The following MICAL1 variants were observed in gnomAD, a reference collection of about 807,000 sequenced individuals.
MICAL1 encodes microtubule associated monooxygenase, calponin and LIM domain containing 1.
MICAL1 carries 95 observed loss-of-function variants against 131.8 expected under a neutral mutation model. That is an observed-to-expected ratio of 0.72 (90% CI 0.61 to 0.86). The LOEUF is 0.86. MICAL1 is among the 40% of genes least tolerant of loss of function. MICAL1 has a pLI of 0.00. For synonymous variants in MICAL1, 546 were observed against 554.2 expected (o/e 0.99, Z 0.21); for missense variants, 1,292 against 1,380.6 (o/e 0.94, Z 1.02).
intron 6 of MICAL1, chr6:109,451,977 CAG>C: frequency 7.2e-7 from 1 of 1,389,406 alleles, no homozygotes; most frequent in Non-Finnish European, 9.3e-7. Context: ...CCAAAGTAAA[CAG>C]AGGCACCTTC....
At chr6:109,453,429 G>A in intron 3 of MICAL1, 62 bp from the exon 4 acceptor site, 1 of 1,567,370 alleles carries the variant, frequency 6.4e-7, no homozygotes, top group African/African-American at 1.3e-5. Context: ...CCATGTACCA[G>A]TGTGTGCCTG....
intron 19 of MICAL1, 61 bp downstream of exon 19, chr6:109,446,075 A>T: frequency 6.6e-7 from 1 of 1,513,408 alleles, no homozygotes; most frequent in African/African-American, 1.4e-5. Context: ...ATTCCTCTGC[A>T]GGAAGCCAGT....
At chr6:109,449,521 C>A in intron 10 of MICAL1, 40 bp from the exon 11 acceptor site, 1 of 1,613,160 alleles carries the variant, frequency 6.2e-7, no homozygotes, top group African/African-American at 1.3e-5. Context: ...AGGCTGGCCA[C>A]ACAGCCCCTG....
At chr6:109,458,707 A>G (rs1017909768), upstream of MICAL1, among the ~76,000 whole-genome samples, 2 of 152,192 alleles carry the variant, frequency 1.3e-5, no homozygotes, top group African/African-American at 4.8e-5. Context: ...CCTCTGCCCC[A>G]TACCATGTTC....
rs1437531040 is a variant in MICAL1, at chr6:109,444,952, T to C, written c.2925A>G (p.Leu975=). The change falls in exon 23 of 25, where the codon CTA becomes CTG. Residue 975 remains leucine, a synonymous_variant. Coordinates refer to ENST00000358807, the MANE Select transcript of MICAL1 (RefSeq NM_022765.4). ...GGCTGTTTTTCTTGTCAACGAGCTG[T>C]AGCAGCTGTCCTACCCATAGTTTCT... ...QQKKLWVGQL[L]QLVDKKNSLV... is the part of the protein sequence containing the mutation. 6.2e-7 allele frequency: 1 copy of C among 1,614,114 alleles called. No homozygotes were observed. The highest frequency in any genetic ancestry group is 1.1e-5 in the South Asian group (1 of 91,090).
At chr6:109,463,766 ATATTTT>A (rs1329627825) in intron 1 of MICAL1, 1 of 152,232 alleles carries the variant, frequency 6.6e-6, no homozygotes, top group Non-Finnish European at 1.5e-5. Flanking sequence ...TCTCACTAAT[ATATTTT>A]TATATGTTGA....
At position 109,445,840 on chromosome 6, in the gene MICAL1, C is replaced by T. The variant is rs1775191250; in HGVS notation, c.2604G>A (p.Glu868=). The change falls in exon 20 of 25, where the codon GAG becomes GAA. Residue 868 remains glutamate, a synonymous_variant. Coordinates refer to ENST00000358807, the MANE Select transcript of MICAL1 (RefSeq NM_022765.4). ...SPQALVAMEK[E]EKESPFSSEE... Reference sequence around the variant, plus strand: ...CACTGGAGAAGGGACTCTCTTTTTCCTCCTTCTCCATGGCCACAAGAGCTG... The same window carrying T: ...CACTGGAGAAGGGACTCTCTTTTTCTTCCTTCTCCATGGCCACAAGAGCTG... 1 of 1,607,672 alleles carries T rather than the reference C, an allele frequency of 6.2e-7. No individual in the cohort carries two copies. The highest frequency in any genetic ancestry group is 1.7e-5 in the Admixed American group (1 of 59,200).
rs564615177 is a variant in MICAL1, at chr6:109,449,419, A to G, written c.1497T>C (p.Asp499=). Residue 499 remains aspartate, a synonymous_variant, in exon 11 of 25, where the codon GAT becomes GAC. Coordinates refer to ENST00000358807, the MANE Select transcript of MICAL1 (RefSeq NM_022765.4). The part of the protein sequence containing the change: ...EPVQRNNDKT[D]TGMPATGSAG... The stretch of plus-strand genomic sequence containing the variant: ...GCTCACCGGTGGCTGGCATCCCTGT[A>G]TCTGTCTTGTCGTTGTTCCTCTGCA... 1.2e-6 allele frequency: 2 copies of G among 1,614,144 alleles called. No homozygotes were observed. The highest frequency in any genetic ancestry group is 2.2e-5 in the South Asian group (2 of 91,078).
chr6:109,444,895 C>T lies in MICAL1; in HGVS notation c.2981+1G>A, dbSNP rs774016878. Reference sequence around the variant, plus strand: ...CACTGTCACCATCCCCTTCCCCTTACGTGATCATGAGCTCGGCCTCCTCAG... The same window carrying T: ...CACTGTCACCATCCCCTTCCCCTTATGTGATCATGAGCTCGGCCTCCTCAG... On this transcript the variant is annotated splice_donor_variant, in intron 23 of 24. Coordinates refer to ENST00000358807, the MANE Select transcript of MICAL1 (RefSeq NM_022765.4). LOFTEE classifies it high-confidence loss of function. 5.6e-6 allele frequency: 9 copies of T among 1,614,194 alleles called. No homozygotes were observed. The highest frequency in any genetic ancestry group is 3.3e-5 in the South Asian group (3 of 91,084).
Position 109,444,136 on chromosome 6 carries a change from G to A in MICAL1, c.*55C>T, listed in dbSNP as rs995142381. 2 of 1,591,540 alleles carry A rather than the reference G, an allele frequency of 1.3e-6. No individual in the cohort carries two copies. The highest frequency in any genetic ancestry group is 2.7e-5 in the African/African-American group (2 of 74,108). On this transcript the variant is annotated 3_prime_UTR_variant, in exon 25 of 25. Coordinates refer to ENST00000358807, the MANE Select transcript of MICAL1 (RefSeq NM_022765.4). Reference sequence around the variant, plus strand: ...AGCCCAGATGAACAGGGGTGGCACTGTGCTGGGGTGAGGTGCTTTCTTTGT... The same window carrying A: ...AGCCCAGATGAACAGGGGTGGCACTATGCTGGGGTGAGGTGCTTTCTTTGT...
At chr6:109,449,228 T>C (rs1199788810) in intron 11 of MICAL1, 172 bp downstream of exon 11, 3 of 756,842 alleles carry the variant, frequency 4.0e-6, no homozygotes, top group Non-Finnish European at 7.0e-6. Flanking sequence ...CTGCTGCCTG[T>C]GCGGTGCTGC....
At chr6:109,464,996 C>T (rs1158743570) in intron 1 of MICAL1, 1 of 152,140 alleles carries the variant, frequency 6.6e-6, no homozygotes, top group Non-Finnish European at 1.5e-5. Flanking sequence ...GTTTTATGTT[C>T]CAGAATAGTG....
chr6:109,444,646 G>A, intron 24 of MICAL1, 79 bp downstream of exon 24: 1 of 1,502,876 alleles, frequency 6.7e-7, no homozygotes, highest in Non-Finnish European at 9.3e-7. Context: ...GCATCATGTT[G>A]CTTGGTCAGT....
chr6:109,450,172 A>C lies in MICAL1; in HGVS notation c.1192-87T>G, dbSNP rs1421835579. On this transcript the variant is annotated intron_variant, in intron 8 of 24. Transcript: ENST00000358807. Reference sequence around the variant, plus strand: ...AGATATCCACCCAGGTCACAGCAGAAGGGGCCATCCCCACACCAGGCAGCC... The same window carrying C: ...AGATATCCACCCAGGTCACAGCAGACGGGGCCATCCCCACACCAGGCAGCC... The C allele has an allele frequency of 1.9e-6, 3 of 1,563,792 alleles. No homozygotes were observed. In the African/African-American group the frequency reaches 4.1e-5, roughly 21 times the overall value.
upstream of MICAL1, among the ~76,000 whole-genome samples, chr6:109,458,830 A>C (rs1271085891): frequency 6.6e-6 from 1 of 152,162 alleles, no homozygotes; most frequent in Non-Finnish European, 1.5e-5. Context: ...CAGTATCTTC[A>C]AGCAACAAAC....
Position 109,451,665 on chromosome 6 carries a change from C to T in MICAL1, c.868G>A (p.Asp290Asn), listed in dbSNP as rs201744766. The change falls in exon 7 of 25, where the codon GAC (aspartate) becomes AAC (asparagine). Residue 290 changes from aspartate to asparagine, a missense_variant. By Grantham distance (23) the Asp-to-Asn change is conservative (BLOSUM62 1). Coordinates refer to ENST00000358807, the MANE Select transcript of MICAL1 (RefSeq NM_022765.4). ...GCTGTCATCACAAAGTAGTGGGTGT[C>T]GTCCTTGTAGTACACAATGTTCTCC... ...DLENIVYYKDDTHYFVMTAKK... is the reference protein window; with the variant it reads ...DLENIVYYKDNTHYFVMTAKK... 2.0e-4 allele frequency: 327 copies of T among 1,614,000 alleles called. No individual in the cohort carries two copies. The highest frequency in any genetic ancestry group is 2.3e-4 in the Admixed American group (14 of 60,026).
chr6:109,454,986 G>A (rs149955686), intron 1 of MICAL1: 2,990 of 152,366 alleles, frequency 0.02, 35 homozygotes, highest in South Asian at 0.044. Flanking sequence ...GGGTAGGGCT[G>A]GGGGTCGACC....
Position 109,447,104 on chromosome 6 carries a change from CCA to C in MICAL1, c.2194_2195del (p.Trp732AlafsTer31). The C allele has an allele frequency of 1.9e-6, 3 of 1,614,134 alleles. No homozygotes were observed. The highest frequency in any genetic ancestry group is 1.7e-6 in the Non-Finnish European group (2 of 1,180,004). On this transcript the variant is annotated frameshift_variant, in exon 17 of 25. Transcript: ENST00000358807. LOFTEE classifies it high-confidence loss of function. ...CTGGGTGCTGCTCGTAGCCACCTGG[CCA>C]CAGTGTGGCCTCACAGGTATGGCAG... ...FRCHTCEATL[W>X]PGGYEQHPGD...
upstream of MICAL1, among the ~76,000 whole-genome samples, chr6:109,458,159 A>G (rs150687316): frequency 7.2e-3 from 1,102 of 152,342 alleles, 7 homozygotes; most frequent in African/African-American, 0.025. Context: ...CTATTTATTA[A>G]CCACAAGAAT....
Sources: allele counts gnomAD v4.1 joint callset (sites outside exome capture counted in the v4.1 genomes callset), GRCh38; gene constraint gnomAD v4.1.1; transcripts MANE v1.5; gene names NCBI Gene and HGNC (gene_info 2026-07-23, HGNC 2026-07-21).